STYX: variants seen among roughly 807,000 people sequenced by gnomAD.
The protein encoded by STYX is serine/threonine/tyrosine interacting protein, also known as serine/threonine/tyrosine-interacting protein.
In STYX, 20 loss-of-function variants were observed where a neutral mutation model predicts 42.7. The observed-to-expected ratio is 0.47, with a 90% CI of 0.33 to 0.68. The LOEUF is 0.68. Among genes scored for constraint, STYX ranks in the 30% least tolerant of loss-of-function variants. The pLI, the probability that STYX is intolerant of heterozygous loss-of-function variation, is 0.02. For synonymous variants in STYX, 78 were observed against 81.9 expected, an observed-to-expected ratio of 0.95 and a Z score of 0.26; for missense variants, 226 against 268.5, an observed-to-expected ratio of 0.84 and a Z score of 1.11.
chr14:52,763,496 G>A (rs1882181121), intron 9 of STYX, among the ~76,000 whole-genome samples: 1 of 152,060 alleles, frequency 6.6e-6, no homozygotes, highest in African/African-American at 2.4e-5. Context: ...TATCCTCTTT[G>A]CATTGTGTTA....
At chr14:52,733,708 G>A (rs1239650251) in intron 1 of STYX, among the ~76,000 whole-genome samples, 2 of 152,168 alleles carry the variant, frequency 1.3e-5, no homozygotes, top group Non-Finnish European at 2.9e-5. Flanking sequence ...CAAGGTATGG[G>A]GGAAGGGGCA....
Position 52,730,169 on chromosome 14 carries a change from T to C in STYX, c.-306T>C, listed in dbSNP as rs755531383. On this transcript the variant is annotated 5_prime_UTR_variant, in exon 1 of 11. Coordinates refer to ENST00000354586, the MANE Select transcript of STYX (RefSeq NM_145251.4). ...GGCGGGAAGGAGGCGGGGAGACGGT[T>C]GTCGGGCTGGTTCCTGTGCTGGATC... 2 of 438,642 alleles carry C rather than the reference T, an allele frequency of 4.6e-6. No homozygotes were observed. Among genetic ancestry groups the C allele is most frequent in the Non-Finnish European group, 8.1e-6 (2 of 246,860 alleles). 27.2% of individuals were successfully genotyped at this position (438,642 alleles called of 1,614,324 possible).
At chr14:52,769,566 C>G (rs919191955) in intron 10 of STYX, among the ~76,000 whole-genome samples, 7 of 152,116 alleles carry the variant, frequency 4.6e-5, no homozygotes, top group African/African-American at 1.7e-4. Context: ...GTATAGAACT[C>G]TTTGCACTCT....
intron 6 of STYX, 121 bp from the exon 7 acceptor site, chr14:52,757,621 TA>T (rs1189433486): frequency 5.4e-6 from 5 of 927,352 alleles, no homozygotes; most frequent in African/African-American, 1.7e-5. Flanking sequence ...TAACAAATTG[TA>T]AAGATTTGAA....
Position 52,757,944 on chromosome 14 carries a change from C to G in STYX, c.431+20C>G. On this transcript the variant is annotated intron_variant, in intron 8 of 10. Transcript: ENST00000354586. ...GTACAGGTAAGAAAATACCCTAAAACCTAGCCACAGTTTAAATTCTCATTA... is the reference window on the plus strand; with the variant it reads ...GTACAGGTAAGAAAATACCCTAAAAGCTAGCCACAGTTTAAATTCTCATTA... 1 of 1,607,932 alleles carries G rather than the reference C, an allele frequency of 6.2e-7. No homozygotes were observed.
chr14:52,759,391 G>C (rs1364844460), intron 8 of STYX, among the ~76,000 whole-genome samples: 1 of 152,052 alleles, frequency 6.6e-6, no homozygotes, highest in Non-Finnish European at 1.5e-5. Flanking sequence ...AAGGATTGGG[G>C]TTACAGGCAA....
In STYX at chr14:52,759,772, T is replaced by G; in HGVS notation, c.504+18T>G. 6.6e-7 allele frequency: 1 copy of G among 1,516,624 alleles called. No homozygotes were observed. Among genetic ancestry groups the G allele is most frequent in the Non-Finnish European group, 9.1e-7 (1 of 1,097,402 alleles). 93.9% of individuals were successfully genotyped at this position (1,516,624 alleles called of 1,614,324 possible). A position where few individuals can be genotyped will look rare whatever the true frequency, so the allele number is the denominator to read the frequency against. On this transcript the variant is annotated intron_variant, in intron 9 of 10. Transcript: ENST00000354586. ...AACTTCAGGTAACTTTTCTTCCTCT[T>G]TAAGGCAATCAGAAGTAAGATATAA...
At chr14:52,740,818 T>C (rs1446639810) in intron 1 of STYX, among the ~76,000 whole-genome samples, 3 of 152,212 alleles carry the variant, frequency 2.0e-5, no homozygotes, top group Non-Finnish European at 4.4e-5. Flanking sequence ...GTGCAGTTCA[T>C]TGAGTTTTGA....
chr14:52,753,924 CAG>C (rs1399313392), intron 4 of STYX, among the ~76,000 whole-genome samples: 1 of 90,174 alleles, frequency 1.1e-5, no homozygotes, highest in Non-Finnish European at 2.0e-5. Flanking sequence ...TTTTTTGAGA[CAG>C]AGTCTCGCTC....
rs1248315070 is a variant in STYX at position 52,757,795 on chromosome 14, A to C, written c.380+13A>C. 1 of 1,613,212 alleles carries C rather than the reference A, an allele frequency of 6.2e-7. No homozygotes were observed. The highest frequency in any genetic ancestry group is 2.2e-5 in the East Asian group (1 of 44,770). ...GGATCTCCAGAAGGTATGAAGTTAGAAATAATCTTTCTTTCTATAACATTT... is the reference window on the plus strand; with the variant it reads ...GGATCTCCAGAAGGTATGAAGTTAGCAATAATCTTTCTTTCTATAACATTT... On this transcript the variant is annotated intron_variant, in intron 7 of 10. Coordinates refer to ENST00000354586, the MANE Select transcript of STYX (RefSeq NM_145251.4).
At chr14:52,732,441 T>G (rs1203258271) in intron 1 of STYX, among the ~76,000 whole-genome samples, 1 of 151,162 alleles carries the variant, frequency 6.6e-6, no homozygotes, top group Non-Finnish European at 1.5e-5. Flanking sequence ...CCGGGCTAAT[T>G]TTTTTGTATT....
At chr14:52,756,271 C>T (rs1881862603) in intron 4 of STYX, among the ~76,000 whole-genome samples, 1 of 152,168 alleles carries the variant, frequency 6.6e-6, no homozygotes, top group Non-Finnish European at 1.5e-5. Flanking sequence ...CCACCTTGGC[C>T]TCCCAAAAGA....
rs896574159 is a variant in STYX at position 52,768,768 on chromosome 14, A to G, written c.505-72A>G. 12 of 1,036,738 alleles carry G rather than the reference A, an allele frequency of 1.2e-5. No individual in the cohort carries two copies. In the South Asian group the frequency reaches 2.1e-4, roughly 18 times the overall value. 64.2% of individuals were successfully genotyped at this position (1,036,738 alleles called of 1,614,324 possible). A position where few individuals can be genotyped will look rare whatever the true frequency, so the allele number is the denominator to read the frequency against. On this transcript the variant is annotated intron_variant, in intron 9 of 10. Coordinates refer to ENST00000354586, the MANE Select transcript of STYX (RefSeq NM_145251.4). ...CAGATGAAGAATACCAACAGTGTAT[A>G]CATTAATCACTATTTTGGGTATCCA...
chr14:52,743,538 G>A (rs548795875), intron 1 of STYX, among the ~76,000 whole-genome samples: 6 of 152,114 alleles, frequency 3.9e-5, no homozygotes, highest in East Asian at 1.9e-4. Context: ...CCGAGATCGC[G>A]CCACTGCACT....
At position 52,750,632 on chromosome 14, in the gene STYX, T is replaced by C. The variant is rs768118591; in HGVS notation, c.145-51T>C. The C allele has an allele frequency of 3.4e-6, 4 of 1,173,742 alleles. No individual in the cohort carries two copies. In the East Asian group the frequency reaches 9.9e-5, roughly 29 times the overall value. The allele number at this position is 1,173,742 out of a possible 1,614,324, so 72.7% of individuals were successfully genotyped here. A position where few individuals can be genotyped will look rare whatever the true frequency, so the allele number is the denominator to read the frequency against. On this transcript the variant is annotated intron_variant, in intron 3 of 10. Coordinates refer to ENST00000354586, the MANE Select transcript of STYX (RefSeq NM_145251.4). ...TTATATAGTAAGATGATGTTTGATA[T>C]TTTAAAATATTTATCTTCCCTGTCC...
At chr14:52,741,573 G>A (rs909812966) in intron 1 of STYX, among the ~76,000 whole-genome samples, 8 of 152,006 alleles carry the variant, frequency 5.3e-5, no homozygotes, top group Non-Finnish European at 1.0e-4. Flanking sequence ...GGGTAGCTGG[G>A]ACTACAGGCG....
rs1470372676 is a variant in STYX, at chr14:52,773,098, G to C, written c.*1992G>C. ...AGAATCTTCATAATAGTAAGTTTAGGTTTTAAAAACTTGTTTCATAAATAT... is the reference window on the plus strand; with the variant it reads ...AGAATCTTCATAATAGTAAGTTTAGCTTTTAAAAACTTGTTTCATAAATAT... On this transcript the variant is annotated 3_prime_UTR_variant, in exon 11 of 11. Coordinates refer to ENST00000354586, the MANE Select transcript of STYX (RefSeq NM_145251.4). The C allele has an allele frequency of 6.6e-6, 1 of 151,920 alleles. No individual in the cohort carries two copies. Among genetic ancestry groups the C allele is most frequent in the Non-Finnish European group, 1.5e-5 (1 of 67,976 alleles). The allele number at this position is 151,920 out of a possible 1,614,324, so 9.4% of individuals were successfully genotyped here. A position where few individuals can be genotyped will look rare whatever the true frequency, so the allele number is the denominator to read the frequency against.
chr14:52,756,634 T>TG, intron 5 of STYX, 23 bp downstream of exon 5: 6 of 1,119,906 alleles, frequency 5.4e-6, no homozygotes, highest in African/African-American at 1.6e-5. Flanking sequence ...ATTTTTTAAA[T>TG]ATCATTTAAA....
chr14:52,754,006 C>T (rs137861280), intron 4 of STYX, among the ~76,000 whole-genome samples: 5,352 of 149,960 alleles, frequency 0.036, 135 homozygotes, highest in South Asian at 0.1. Flanking sequence ...TCTTCTGCCT[C>T]AGCCTCCTGA....
Sources: gnomAD v4.1 joint callset for allele counts (sites outside exome capture counted in the v4.1 genomes callset) on GRCh38, gnomAD v4.1.1 for gene constraint, MANE v1.5 for transcripts, NCBI Gene and HGNC (gene_info 2026-07-23, HGNC 2026-07-21) for gene names.